IPO11: variants seen among roughly 807,000 people sequenced by gnomAD.
IPO11 encodes importin 11.
Under a neutral mutation model 143.2 loss-of-function variants are expected in IPO11, and 66 were observed. The observed-to-expected ratio is 0.46, with a 90% CI of 0.38 to 0.57. The LOEUF is 0.57. Ranked by LOEUF, IPO11 falls within the 20% of genes least tolerant of loss-of-function variation. The pLI is 0.00. For synonymous variants in IPO11, 385 were observed against 377.8 expected, an observed-to-expected ratio of 1.02 and a Z score of -0.22; for missense variants, 1,026 against 1,141.0, an observed-to-expected ratio of 0.90 and a Z score of 1.45.
At chr5:62,446,967 CAA>C (rs1464155702) in intron 3 of IPO11, among the ~76,000 whole-genome samples, 17 of 131,724 alleles carry the variant, frequency 1.3e-4, no homozygotes, top group Admixed American at 1.6e-4. Context: ...ACTCTGACTG[CAA>C]AAAAAAAAAA....
intron 5 of IPO11, among the ~76,000 whole-genome samples, chr5:62,456,907 C>T (rs1299245774): frequency 1.3e-5 from 2 of 152,010 alleles, no homozygotes; most frequent in East Asian, 3.9e-4. Flanking sequence ...GCCTGGCCAA[C>T]ATGGTGAAAC....
chr5:62,550,373 G>T lies in IPO11; in HGVS notation c.2257G>T (p.Glu753Ter). The T allele has an allele frequency of 6.2e-7, 1 of 1,610,470 alleles. No homozygotes were observed. The highest frequency in any genetic ancestry group is 8.5e-7 in the Non-Finnish European group (1 of 1,177,596). ...CTTTCTTTCTGGTTTTTAGGTTGTG[G>T]AAAATGCCCTTAAAGTGAACCCAAT... ...EGQVQVLKVV[E>*]NALKVNPILG... Residue 753 changes from glutamate to a stop codon, truncating the protein, a stop_gained, in exon 25 of 30, where the codon GAA (glutamate) becomes TAA (stop). Coordinates refer to ENST00000325324, the MANE Select transcript of IPO11 (RefSeq NM_016338.5). LOFTEE classifies it high-confidence loss of function.
chr5:62,436,421 G>C (rs866525280), intron 1 of IPO11, among the ~76,000 whole-genome samples: 8 of 152,190 alleles, frequency 5.3e-5, no homozygotes, highest in South Asian at 2.1e-4. Flanking sequence ...CCCCTGCACT[G>C]AGAACTTCGA....
chr5:62,460,347 C>T (rs1450512556), intron 5 of IPO11, among the ~76,000 whole-genome samples: 1 of 152,050 alleles, frequency 6.6e-6, no homozygotes, highest in South Asian at 2.1e-4. Flanking sequence ...TAAAAAAAAA[C>T]TAGATTAGTT....
At chr5:62,466,979 A>AT in intron 5 of IPO11, 152 bp from the exon 6 acceptor site, 2 of 724,732 alleles carry the variant, frequency 2.8e-6, no homozygotes, top group Non-Finnish European at 4.4e-6. Context: ...CTAAAAAAGT[A>AT]TGAAACATTG....
chr5:62,470,702 A>G (rs914323320), intron 7 of IPO11, among the ~76,000 whole-genome samples: 3 of 151,640 alleles, frequency 2.0e-5, no homozygotes, highest in African/African-American at 7.3e-5. Flanking sequence ...TGATCATTAC[A>G]TTAATACATG....
At chr5:62,535,655 C>G (rs768405643) in intron 22 of IPO11, among the ~76,000 whole-genome samples, 3 of 151,892 alleles carry the variant, frequency 2.0e-5, no homozygotes, top group Non-Finnish European at 4.4e-5. Context: ...GAACTAATGC[C>G]TTCAGAGACA....
At chr5:62,545,299 G>T (rs1293389962) in intron 24 of IPO11, among the ~76,000 whole-genome samples, 4 of 152,092 alleles carry the variant, frequency 2.6e-5, no homozygotes, top group South Asian at 4.2e-4. Flanking sequence ...ATACCACACA[G>T]CTACAACCAT....
At chr5:62,560,208 A>T (rs1283308647) in intron 26 of IPO11, among the ~76,000 whole-genome samples, 1 of 152,186 alleles carries the variant, frequency 6.6e-6, no homozygotes, top group Non-Finnish European at 1.5e-5. Context: ...CCTTCCCAGG[A>T]CTAGGGCTAA....
chr5:62,422,660 C>A (rs1475396187), intron 1 of IPO11: 1 of 152,150 alleles, frequency 6.6e-6, no homozygotes, highest in Non-Finnish European at 1.5e-5. Flanking sequence ...ACCAAACAGG[C>A]AAGAGACTTA....
At chr5:62,493,368 G>GT (rs1741015879) in intron 15 of IPO11, among the ~76,000 whole-genome samples, 1 of 152,046 alleles carries the variant, frequency 6.6e-6, no homozygotes, top group African/African-American at 2.4e-5. Context: ...CATTGCCACT[G>GT]TTTTTGGTTA....
chr5:62,481,036 C>T (rs550946498), intron 9 of IPO11, among the ~76,000 whole-genome samples: 11 of 150,324 alleles, frequency 7.3e-5, no homozygotes, highest in African/African-American at 2.7e-4. Context: ...CTGCCTCAGC[C>T]TCCTGAGTAG....
chr5:62,438,920 A>G (rs906214833), intron 2 of IPO11, among the ~76,000 whole-genome samples: 1 of 151,108 alleles, frequency 6.6e-6, no homozygotes, highest in South Asian at 2.1e-4. Flanking sequence ...TTAGCCAGGC[A>G]TGGTGGCGGG....
chr5:62,505,310 A>C (rs1182534705), intron 18 of IPO11, among the ~76,000 whole-genome samples: 2 of 152,060 alleles, frequency 1.3e-5, no homozygotes, highest in African/African-American at 4.8e-5. Context: ...GCAGAATACC[A>C]AGTTCTACTC....
intron 29 of IPO11, among the ~76,000 whole-genome samples, chr5:62,611,440 G>C (rs955156760): frequency 1.3e-5 from 2 of 152,100 alleles, no homozygotes; most frequent in Admixed American, 6.5e-5. Context: ...CTACATAATA[G>C]TAATCAAAGA....
At chr5:62,626,556 A>C (rs1023926281) in intron 29 of IPO11, among the ~76,000 whole-genome samples, 1 of 152,028 alleles carries the variant, frequency 6.6e-6, no homozygotes, top group Non-Finnish European at 1.5e-5. Context: ...AGAAGCCAAA[A>C]TATTTTCTTT....
At chr5:62,585,599 G>A (rs1234015993) in intron 27 of IPO11, among the ~76,000 whole-genome samples, 1 of 152,082 alleles carries the variant, frequency 6.6e-6, no homozygotes, top group African/African-American at 2.4e-5. Flanking sequence ...TAAGTGTAAT[G>A]GAAAGTTACT....
chr5:62,440,970 A>G (rs1428929539), intron 2 of IPO11, among the ~76,000 whole-genome samples: 1 of 152,022 alleles, frequency 6.6e-6, no homozygotes, highest in Non-Finnish European at 1.5e-5. Context: ...TCTCAAAAAA[A>G]AAAACTTACA....
chr5:62,440,732 G>A (rs1481719902), intron 2 of IPO11, among the ~76,000 whole-genome samples: 2 of 151,972 alleles, frequency 1.3e-5, no homozygotes, highest in African/African-American at 4.8e-5. Context: ...GGAGGCCAGG[G>A]CAGGTGGATC....
Sources: allele counts gnomAD v4.1 joint callset (sites outside exome capture counted in the v4.1 genomes callset), GRCh38; gene constraint gnomAD v4.1.1; transcripts MANE v1.5; gene names NCBI Gene and HGNC (gene_info 2026-07-23, HGNC 2026-07-21).